The following LITAF variants were observed in gnomAD, a reference collection of about 807,000 sequenced individuals.
LITAF encodes lipopolysaccharide induced TNF factor.
LITAF carries 9 observed loss-of-function variants against 14.5 expected under a neutral mutation model. The observed-to-expected ratio is 0.62, with a 90% CI of 0.37 to 1.08. The LOEUF is 1.08. LITAF is among the 50% of genes least tolerant of loss of function. LITAF has a pLI of 0.01. For missense variants in LITAF, 206 were observed against 213.4 expected, an observed-to-expected ratio of 0.97 and a Z score of 0.22; for synonymous variants, 98 against 88.2, an observed-to-expected ratio of 1.11 and a Z score of -0.62.
upstream of LITAF, among the ~76,000 whole-genome samples, chr16:11,591,677 G>A (rs916055195): frequency 3.3e-5 from 5 of 151,856 alleles, no homozygotes; most frequent in East Asian, 1.9e-4. Flanking sequence ...GTCTCACTCC[G>A]TCACCCAGGT....
rs146436188 is a variant in LITAF, at chr16:11,618,497, C to T, written c.85+15036G>A. On this transcript the variant is annotated intron_variant, in intron 3 of 3. Transcript: ENST00000574848. ...CTTCTGTCGGAACTGAATTGAATTGCTGGCCATGCAGCTGGTGTCAGAGAA... is the reference window on the plus strand; with the variant it reads ...CTTCTGTCGGAACTGAATTGAATTGTTGGCCATGCAGCTGGTGTCAGAGAA... 1.8e-4 allele frequency among the ~76,000 whole-genome samples: 27 copies of T among 152,322 alleles called. 1 individual carries two copies. The East Asian group carries it at 5.0e-3, about 28-fold the overall frequency.
chr16:11,600,291 C>T (rs2064919181), upstream of LITAF, among the ~76,000 whole-genome samples: 3 of 152,210 alleles, frequency 2.0e-5, no homozygotes. This position sits in a 1 kb window ranked among gnomAD's most constrained non-coding sequence, Gnocchi z 4.1. Flanking sequence ...TTGTCACCTC[C>T]TAAATAACTA....
chr16:11,567,264 A>G (rs1381485926), intron 1 of LITAF, among the ~76,000 whole-genome samples: 1 of 152,088 alleles, frequency 6.6e-6, no homozygotes, highest in Non-Finnish European at 1.5e-5. Context: ...TACTAAAAGT[A>G]CAAAAATTAG....
At chr16:11,562,563 A>C (rs1364207626) in intron 1 of LITAF, among the ~76,000 whole-genome samples, 2 of 152,106 alleles carry the variant, frequency 1.3e-5, no homozygotes, top group African/African-American at 2.4e-5. Flanking sequence ...CTTTTAGCCA[A>C]AAGTTTTCCT....
At chr16:11,613,349 G>A (rs571486530) in intron 3 of LITAF, among the ~76,000 whole-genome samples, 18 of 152,304 alleles carry the variant, frequency 1.2e-4, no homozygotes, top group Non-Finnish European at 2.4e-4. Context: ...CATTGACAGA[G>A]AGACCAGACC....
intron 3 of LITAF, among the ~76,000 whole-genome samples, chr16:11,626,962 C>A (rs1386396509): frequency 6.6e-6 from 1 of 152,098 alleles, no homozygotes; most frequent in African/African-American, 2.4e-5. Context: ...CCCACCGCAG[C>A]CTCCCAAGTG....
At chr16:11,582,317 C>CT (rs2064750352) in intron 1 of LITAF, among the ~76,000 whole-genome samples, 1 of 100,464 alleles carries the variant, frequency 1.0e-5, no homozygotes, top group South Asian at 2.8e-4. Flanking sequence ...TCACTCACAA[C>CT]GGAAAAAAAA....
At chr16:11,628,546 CG>C (rs2065098576) in intron 3 of LITAF, among the ~76,000 whole-genome samples, 1 of 152,090 alleles carries the variant, frequency 6.6e-6, no homozygotes, top group African/African-American at 2.4e-5. Context: ...CTCTGTTGCC[CG>C]GGCTGGAGTG....
At chr16:11,604,863 G>A (rs1315298237) in intron 3 of LITAF, among the ~76,000 whole-genome samples, 1 of 151,640 alleles carries the variant, frequency 6.6e-6, no homozygotes. Flanking sequence ...GAAACGCTGC[G>A]TCAAACTGCT....
chr16:11,594,725 A>C (rs1490169336), intron 1 of LITAF, among the ~76,000 whole-genome samples: 3 of 151,736 alleles, frequency 2.0e-5, no homozygotes, highest in Non-Finnish European at 4.4e-5. Flanking sequence ...AAAATACAAA[A>C]ATTAGCCGGG....
chr16:11,595,448 G>A (rs2064877163), intron 1 of LITAF, among the ~76,000 whole-genome samples: 3 of 152,186 alleles, frequency 2.0e-5, no homozygotes, highest in Admixed American at 6.5e-5. Flanking sequence ...GAAGGATGCC[G>A]GCTGGACACG....
Position 11,553,781 on chromosome 16 carries a change from A to C in LITAF, c.221-92T>G, listed in dbSNP as rs1297942361. 2.2e-6 allele frequency: 3 copies of C among 1,387,202 alleles called. No individual in the cohort carries two copies. In the Admixed American group the frequency reaches 5.6e-5, roughly 26 times the overall value. The allele number at this position is 1,387,202 out of a possible 1,614,324, so 85.9% of individuals were successfully genotyped here. On this transcript the variant is annotated intron_variant, in intron 2 of 3. Coordinates refer to ENST00000622633, the MANE Select transcript of LITAF (RefSeq NM_001136472.2). This position sits in a 1 kb window ranked among gnomAD's most constrained non-coding sequence, Gnocchi z 7.7. ...ACAAAGAGAGGAACGCAGGGATGCC[A>C]GCAAATATTATATTTGTACATTTGT...
intron 1 of LITAF, among the ~76,000 whole-genome samples, chr16:11,577,044 T>A (rs186701587): frequency 3.3e-5 from 5 of 152,334 alleles, no homozygotes; most frequent in Non-Finnish European, 2.9e-5. Context: ...TGACACCACA[T>A]GATCTAGCCC....
At chr16:11,628,770 G>A (rs1401344032) in intron 3 of LITAF, among the ~76,000 whole-genome samples, 2 of 151,816 alleles carry the variant, frequency 1.3e-5, no homozygotes, top group Non-Finnish European at 2.9e-5. Flanking sequence ...TCCATCTCCC[G>A]GGTTCCAGTG....
chr16:11,587,792 G>A (rs1846425173), upstream of LITAF, among the ~76,000 whole-genome samples: 1 of 152,138 alleles, frequency 6.6e-6, no homozygotes, highest in South Asian at 2.1e-4. Context: ...CAGGCTCTCT[G>A]GGAAATCATT....
At chr16:11,591,331 C>T (rs938826082), upstream of LITAF, among the ~76,000 whole-genome samples, 3 of 113,430 alleles carry the variant, frequency 2.6e-5, 1 homozygote, top group African/African-American at 8.6e-5. Context: ...ACTACAGGTG[C>T]GCACCACCAT....
intron 3 of LITAF, among the ~76,000 whole-genome samples, chr16:11,604,034 G>C (rs113344842): frequency 0.17 from 25,410 of 149,928 alleles, 2,302 homozygotes; most frequent in Non-Finnish European, 0.21. Flanking sequence ...GCAACAGAGC[G>C]AGACTCCACT....
At chr16:11,552,355 A>T (rs1046063875) in intron 3 of LITAF, among the ~76,000 whole-genome samples, 1 of 151,422 alleles carries the variant, frequency 6.6e-6, no homozygotes, top group African/African-American at 2.4e-5. Context: ...CTTTAAACAT[A>T]ATACCTTTGG....
At chr16:11,567,420 GAA>G (rs78887090) in intron 1 of LITAF, among the ~76,000 whole-genome samples, 8 of 136,568 alleles carry the variant, frequency 5.9e-5, no homozygotes, top group African/African-American at 1.3e-4. Flanking sequence ...ACTCCGTCTG[GAA>G]AAAAAAAAAA....
Sources: gnomAD v4.1 joint callset for allele counts (sites outside exome capture counted in the v4.1 genomes callset) on GRCh38, gnomAD v4.1.1 for gene constraint, Gnocchi (gnomAD v3.1) non-coding constraint, MANE v1.5 for transcripts, NCBI Gene and HGNC (gene_info 2026-07-23, HGNC 2026-07-21) for gene names.